The following FGF12 variants were observed in gnomAD, a reference collection of about 807,000 sequenced individuals.
FGF12 encodes the protein fibroblast growth factor 12B.
FGF12 carries 14 observed loss-of-function variants against 23.6 expected under a neutral mutation model. The ratio of observed to expected loss-of-function variants is 0.59; its 90% CI spans 0.39 to 0.93. FGF12 has a LOEUF of 0.93. FGF12 is among the 40% of genes least tolerant of loss of function. The pLI is 0.00. For synonymous variants in FGF12, 62 were observed against 77.3 expected (o/e 0.80, Z 1.04); for missense variants, 175 against 217.8 (o/e 0.80, Z 1.24).
At chr3:192,500,958 C>T (rs1314891893) in intron 2 of FGF12, among the ~76,000 whole-genome samples, 1 of 152,182 alleles carries the variant, frequency 6.6e-6, no homozygotes, top group Admixed American at 6.5e-5. Context: ...GCTCCATAGT[C>T]CATACTCTCA....
chr3:192,672,914 A>T (rs556198949), intron 2 of FGF12: 1 of 151,052 alleles, frequency 6.6e-6, no homozygotes, highest in Non-Finnish European at 1.5e-5. Context: ...ACACACTTGG[A>T]AATGGAGAAA....
intron 2 of FGF12, among the ~76,000 whole-genome samples, chr3:192,695,558 C>T (rs1718091169): frequency 6.6e-6 from 1 of 152,142 alleles, no homozygotes; most frequent in South Asian, 2.1e-4. Context: ...TGTCTTATGT[C>T]AGTTTTTTCA....
chr3:192,611,209 CTGCTTTCTGCTT>C (rs1475854174), intron 2 of FGF12, among the ~76,000 whole-genome samples: 2 of 151,988 alleles, frequency 1.3e-5, no homozygotes, highest in Non-Finnish European at 2.9e-5. Flanking sequence ...CCTAGAAGCT[CTGCTTTCTGCTT>C]TGCTTGTAGA....
intron 2 of FGF12, among the ~76,000 whole-genome samples, chr3:192,503,105 G>A (rs1724182216): frequency 6.6e-6 from 1 of 151,518 alleles, no homozygotes; most frequent in Admixed American, 6.5e-5. Flanking sequence ...ATAAATTTGT[G>A]GAATGTATAA....
intron 4 of FGF12, among the ~76,000 whole-genome samples, chr3:192,262,359 C>T (rs1712810959): frequency 6.6e-6 from 1 of 152,076 alleles, no homozygotes; most frequent in Admixed American, 6.6e-5. Flanking sequence ...GTCTCCATTG[C>T]ATGTTAAGCT....
chr3:192,631,519 G>A (rs969916474), intron 2 of FGF12, among the ~76,000 whole-genome samples: 1 of 152,222 alleles, frequency 6.6e-6, no homozygotes, highest in Admixed American at 6.5e-5. Flanking sequence ...TACCACACCA[G>A]TGGGCAAGTT....
chr3:192,380,124 C>A (rs1209751384), intron 2 of FGF12, among the ~76,000 whole-genome samples: 1 of 152,134 alleles, frequency 6.6e-6, no homozygotes, highest in Non-Finnish European at 1.5e-5. Flanking sequence ...TCAGATCCAA[C>A]TTTAGGCAGT....
chr3:192,376,372 AT>A (rs1189110526), intron 2 of FGF12, among the ~76,000 whole-genome samples: 1 of 150,446 alleles, frequency 6.6e-6, no homozygotes, highest in African/African-American at 2.4e-5. Context: ...TTTTATTTTT[AT>A]TTTTTTGAGA....
At chr3:192,169,804 A>G (rs976139042) in intron 5 of FGF12, among the ~76,000 whole-genome samples, 4 of 150,382 alleles carry the variant, frequency 2.7e-5, no homozygotes, top group African/African-American at 7.4e-5. Context: ...CTGAGGGAAC[A>G]TAGCCTAGCT....
At chr3:192,414,016 G>A (rs1388268211) in intron 2 of FGF12, among the ~76,000 whole-genome samples, 2 of 151,900 alleles carry the variant, frequency 1.3e-5, no homozygotes, top group South Asian at 2.1e-4. Flanking sequence ...TCAACAATTC[G>A]ACAACTGAAT....
At chr3:192,572,571 ATAGTATTTTAGCCCTT>A (rs1712690680) in intron 2 of FGF12, among the ~76,000 whole-genome samples, 1 of 152,244 alleles carries the variant, frequency 6.6e-6, no homozygotes, top group African/African-American at 2.4e-5. Flanking sequence ...GGTGGCATGT[ATAGTATTTTAGCCCTT>A]TAATTTGAAC....
At chr3:192,507,380 C>T (rs1203382935) in intron 2 of FGF12, among the ~76,000 whole-genome samples, 4 of 134,866 alleles carry the variant, frequency 3.0e-5, no homozygotes, top group African/African-American at 8.3e-5. Flanking sequence ...CACACACACA[C>T]ATACAAGCAC....
intron 2 of FGF12, among the ~76,000 whole-genome samples, chr3:192,622,632 T>C (rs2108648919): frequency 6.6e-6 from 1 of 152,304 alleles, no homozygotes; most frequent in South Asian, 2.1e-4. Context: ...TACATAATTG[T>C]AAACTAGACA....
chr3:192,233,895 A>C (rs1719150363), intron 4 of FGF12, among the ~76,000 whole-genome samples: 1 of 152,054 alleles, frequency 6.6e-6, no homozygotes, highest in South Asian at 2.1e-4. Flanking sequence ...ATATTGGTCT[A>C]TGTGTCTATT....
chr3:192,365,033 A>G lies in FGF12; in HGVS notation c.14-4495T>C, dbSNP rs183461994. Among the ~76,000 whole-genome samples, 153 of 151,834 alleles carry G rather than the reference A, an allele frequency of 1.0e-3. No individual in the cohort carries two copies. In the Middle Eastern group the frequency reaches 0.024, roughly 24 times the overall value. Reference sequence around the variant, plus strand: ...CCCACAACCCCAGTCTATTCATGAGAAAAAAAAATTAGACAAATGCCCGTT... The same window carrying G: ...CCCACAACCCCAGTCTATTCATGAGGAAAAAAAATTAGACAAATGCCCGTT... On this transcript the variant is annotated intron_variant, in intron 2 of 5. Coordinates refer to ENST00000445105, the MANE Select transcript of FGF12 (RefSeq NM_004113.6).
At chr3:192,705,462 G>C (rs561202332) in intron 2 of FGF12, among the ~76,000 whole-genome samples, 2 of 152,162 alleles carry the variant, frequency 1.3e-5, no homozygotes, top group Admixed American at 6.5e-5. Context: ...TACAACACTG[G>C]AAACAGATTT....
chr3:192,285,138 A>G (rs986889015), intron 4 of FGF12, among the ~76,000 whole-genome samples: 6 of 152,092 alleles, frequency 3.9e-5, no homozygotes, highest in African/African-American at 1.4e-4. Context: ...CTGCTGCCCT[A>G]TGAAATGAAA....
rs1309441067 is a variant in FGF12 at position 192,514,161 on chromosome 3, C to G, written c.14-153623G>C. On this transcript the variant is annotated intron_variant, in intron 2 of 5. Transcript: ENST00000445105. This position sits in a 1 kb window ranked among gnomAD's most constrained non-coding sequence, Gnocchi z 4.9. ...ACTTCAGCACCAAGGACAGAAATCG[C>G]TAAATCTCCAGGGGAAACGTACCCC... Among the ~76,000 whole-genome samples the G allele has an allele frequency of 1.3e-5, 2 of 152,198 alleles. No homozygotes were observed. Among genetic ancestry groups the G allele is most frequent in the African/African-American group, 4.8e-5 (2 of 41,444 alleles).
In FGF12 at chr3:192,627,852, A is replaced by ATGTGTGTGTGTGTGTG. The variant is rs138709721; in HGVS notation, c.13+99313_13+99328dup. 5.2e-3 allele frequency among the ~76,000 whole-genome samples: 764 copies of ATGTGTGTGTGTGTGTG among 147,348 alleles called. 6 individuals carry two copies. The highest frequency in any genetic ancestry group is 8.0e-3 in the Non-Finnish European group (528 of 66,386). On this transcript the variant is annotated intron_variant, in intron 2 of 5. Coordinates refer to ENST00000445105, the MANE Select transcript of FGF12 (RefSeq NM_004113.6). ...TTTGACTTGTACTCTGTGTGTGTGC[A>ATGTGTGTGTGTGTGTG]TGTGTGTGTGTGTGTGTGTGTGTGT...
Sources: allele counts gnomAD v4.1 joint callset (sites outside exome capture counted in the v4.1 genomes callset), GRCh38; gene constraint gnomAD v4.1.1; non-coding constraint Gnocchi (gnomAD v3.1); transcripts MANE v1.5; gene names NCBI Gene and HGNC (gene_info 2026-07-23, HGNC 2026-07-21).